ARHGEF4: variants seen among roughly 807,000 people sequenced by gnomAD.
The protein encoded by ARHGEF4 is APC-stimulated guanine nucleotide exchange factor 1.
In ARHGEF4, 119 loss-of-function variants were observed where a neutral mutation model predicts 162.0. The observed-to-expected ratio is 0.73, with a 90% CI of 0.63 to 0.86. ARHGEF4 has a LOEUF of 0.86. Among genes scored for constraint, ARHGEF4 ranks in the 40% least tolerant of loss-of-function variants. ARHGEF4 has a pLI of 0.00. For synonymous variants in ARHGEF4, 1,014 were observed against 979.9 expected (o/e 1.03, Z -0.65); for missense variants, 2,488 against 2,456.0 (o/e 1.01, Z -0.28).
chr2:131,037,724 G>T (rs1464482872), intron 5 of ARHGEF4, among the ~76,000 whole-genome samples: 1 of 152,228 alleles, frequency 6.6e-6, no homozygotes, highest in Non-Finnish European at 1.5e-5. Flanking sequence ...TACAAGGGCT[G>T]CCTGGGAGAG....
At chr2:131,030,781 C>T (rs753213531) in intron 5 of ARHGEF4, among the ~76,000 whole-genome samples, 2 of 152,184 alleles carry the variant, frequency 1.3e-5, no homozygotes, top group African/African-American at 2.4e-5. Flanking sequence ...GATGTGACAC[C>T]GGAGCCCTCA....
At chr2:131,011,876 G>C (rs776032382) in intron 4 of ARHGEF4, 1 of 704,492 alleles carries the variant, frequency 1.4e-6, no homozygotes, top group Non-Finnish European at 2.6e-6. Flanking sequence ...GTGTGGGGGC[G>C]GCGGAGGGGC....
intron 4 of ARHGEF4, among the ~76,000 whole-genome samples, chr2:130,978,174 G>A (rs750576441): frequency 3.3e-5 from 5 of 152,042 alleles, no homozygotes; most frequent in South Asian, 4.1e-4. Context: ...TGGGACCCTC[G>A]GGCTGGTTTC....
chr2:130,867,730 C>G (rs1682383958), intron 1 of ARHGEF4, among the ~76,000 whole-genome samples: 1 of 151,940 alleles, frequency 6.6e-6, no homozygotes, highest in Non-Finnish European at 1.5e-5. Flanking sequence ...TCATCTGTGC[C>G]CTCATGCCCA....
intron 1 of ARHGEF4, among the ~76,000 whole-genome samples, chr2:130,880,129 C>G: frequency 6.6e-6 from 1 of 152,174 alleles, no homozygotes; most frequent in South Asian, 2.1e-4. Flanking sequence ...AGGTGGGAAG[C>G]CTGAGACTTA....
At chr2:130,857,276 A>G (rs1413432016) in intron 1 of ARHGEF4, among the ~76,000 whole-genome samples, 1 of 140,374 alleles carries the variant, frequency 7.1e-6, no homozygotes, top group Non-Finnish European at 1.5e-5. Context: ...AACTCTATAA[A>G]TATGTACTTG....
intron 1 of ARHGEF4, among the ~76,000 whole-genome samples, chr2:130,847,932 G>A (rs957283804): frequency 1.3e-5 from 2 of 152,224 alleles, no homozygotes; most frequent in African/African-American, 4.8e-5. Context: ...AGGAGTGTGT[G>A]GGATTGGAGC....
intron 1 of ARHGEF4, among the ~76,000 whole-genome samples, chr2:130,841,661 A>G (rs1280502853): frequency 6.6e-6 from 1 of 152,086 alleles, no homozygotes; most frequent in East Asian, 1.9e-4. Flanking sequence ...CAATATTCCA[A>G]GCTGTTGGTG....
chr2:130,865,704 TTTTG>T (rs143950880), intron 1 of ARHGEF4, among the ~76,000 whole-genome samples: 120 of 151,728 alleles, frequency 7.9e-4, no homozygotes, highest in African/African-American at 2.4e-3. Context: ...CAAAGATAGG[TTTTG>T]TTTGTTTGTT....
chr2:130,926,671 G>A (rs999589649), intron 2 of ARHGEF4, among the ~76,000 whole-genome samples: 13 of 152,226 alleles, frequency 8.5e-5, no homozygotes, highest in African/African-American at 3.1e-4. Flanking sequence ...AGGCAGGGAT[G>A]AGAGTTAAGA....
chr2:131,024,252 T>TTTTG (rs1205157510), intron 4 of ARHGEF4, among the ~76,000 whole-genome samples: 7 of 151,900 alleles, frequency 4.6e-5, no homozygotes, highest in African/African-American at 1.7e-4. Flanking sequence ...ATAAAACATC[T>TTTTG]TTTGTTTTGT....
At chr2:130,993,729 T>C (rs1687201885) in intron 4 of ARHGEF4, among the ~76,000 whole-genome samples, 1 of 152,180 alleles carries the variant, frequency 6.6e-6, no homozygotes, top group African/African-American at 2.4e-5. Context: ...ATTCTAGCTT[T>C]GTTTTGGCTA....
chr2:130,896,333 G>A (rs1680155932), intron 1 of ARHGEF4, among the ~76,000 whole-genome samples: 3 of 152,202 alleles, frequency 2.0e-5, no homozygotes, highest in South Asian at 4.1e-4. Context: ...GAGGGTTTCT[G>A]TGTAGGGTAG....
intron 1 of ARHGEF4, among the ~76,000 whole-genome samples, chr2:130,888,331 C>T (rs935819483): frequency 6.6e-6 from 1 of 151,850 alleles, no homozygotes; most frequent in African/African-American, 2.4e-5. Flanking sequence ...ATTAGCCGGG[C>T]ATGATGGCAG....
intron 3 of ARHGEF4, among the ~76,000 whole-genome samples, chr2:130,940,656 G>A (rs1469222649): frequency 2.0e-5 from 3 of 149,374 alleles, no homozygotes; most frequent in Admixed American, 6.7e-5. Flanking sequence ...GTGAAACCCC[G>A]TCTCTACTAA....
At chr2:130,921,755 G>A (rs1232407708) in intron 2 of ARHGEF4, among the ~76,000 whole-genome samples, 2 of 151,998 alleles carry the variant, frequency 1.3e-5, no homozygotes, top group East Asian at 1.9e-4. Context: ...GCAGTGGTGC[G>A]ATCTCAGCTC....
At chr2:131,006,568 T>C (rs557577768) in intron 4 of ARHGEF4, among the ~76,000 whole-genome samples, 85 of 152,330 alleles carry the variant, frequency 5.6e-4, no homozygotes, top group African/African-American at 2.0e-3. Context: ...AGTTAGGGAA[T>C]GGGGAGCTAA....
At chr2:131,026,575 T>C (rs1031439881) in intron 4 of ARHGEF4, among the ~76,000 whole-genome samples, 1 of 152,118 alleles carries the variant, frequency 6.6e-6, no homozygotes. Context: ...AGCAATTCAA[T>C]AGACAAATGG....
chr2:130,983,662 T>A (rs1419726475), intron 4 of ARHGEF4, among the ~76,000 whole-genome samples: 1 of 152,046 alleles, frequency 6.6e-6, no homozygotes, highest in African/African-American at 2.4e-5. Context: ...ATTTAATTTT[T>A]TTTTTGAGAT....
Sources: allele counts gnomAD v4.1 joint callset (sites outside exome capture counted in the v4.1 genomes callset), GRCh38; gene constraint gnomAD v4.1.1; transcripts MANE v1.5; gene names NCBI Gene and HGNC (gene_info 2026-07-23, HGNC 2026-07-21).